CDH13: variants seen among roughly 807,000 people sequenced by gnomAD.
CDH13 encodes the protein cadherin-13.
CDH13 carries 24 observed loss-of-function variants against 63.8 expected under a neutral mutation model. The observed-to-expected ratio is 0.38, with a 90% CI of 0.27 to 0.53. CDH13 has a LOEUF of 0.53. Among genes scored for constraint, CDH13 ranks in the 20% least tolerant of loss-of-function variants. CDH13 has a pLI of 0.85. For synonymous variants in CDH13, 503 were observed against 355.3 expected (o/e 1.42, Z -4.67); for missense variants, 1,049 against 903.1 (o/e 1.16, Z -2.07).
chr16:83,359,614 G>A lies in CDH13; in HGVS notation c.781+14608G>A, dbSNP rs548732426. ...AATCTTCTGTGGCAGCACTTTGTAC[G>A]AGTTTGAATTGGGCACATTCGAAAT... On this transcript the variant is annotated intron_variant, in intron 6 of 13. Coordinates refer to ENST00000567109, the MANE Select transcript of CDH13 (RefSeq NM_001257.5). Among the ~76,000 whole-genome samples, 78 of 152,240 alleles carry A rather than the reference G, an allele frequency of 5.1e-4. No homozygotes were observed. In the South Asian group the frequency reaches 8.9e-3, roughly 17 times the overall value.
At chr16:83,203,660 T>TTAA (rs1597509667) in intron 4 of CDH13, among the ~76,000 whole-genome samples, 2 of 7,484 alleles carry the variant, frequency 2.7e-4, no homozygotes, top group African/African-American at 6.5e-4. Flanking sequence ...AGACTCCATC[T>TTAA]CAAAAAAAAA....
At chr16:83,034,399 T>C (rs1200868501) in intron 3 of CDH13, among the ~76,000 whole-genome samples, 1 of 152,178 alleles carries the variant, frequency 6.6e-6, no homozygotes, top group Non-Finnish European at 1.5e-5. Context: ...ACGTCAGTCA[T>C]GTTTCAGAGG....
At chr16:83,647,319 A>G (rs1268511197) in intron 8 of CDH13, among the ~76,000 whole-genome samples, 1 of 151,792 alleles carries the variant, frequency 6.6e-6, no homozygotes, top group Non-Finnish European at 1.5e-5. Flanking sequence ...TCTCAAAAAA[A>G]AAAAAAAAAA....
chr16:83,603,145 G>A (rs113234077), intron 8 of CDH13, among the ~76,000 whole-genome samples: 8 of 152,172 alleles, frequency 5.3e-5, no homozygotes, highest in East Asian at 1.9e-4. Context: ...CCAAGGGAGC[G>A]ATGTTTGGGG....
intron 1 of CDH13, among the ~76,000 whole-genome samples, chr16:82,781,176 A>G (rs1420822343): frequency 6.6e-6 from 1 of 152,258 alleles, no homozygotes; most frequent in East Asian, 1.9e-4. Context: ...GCAATTTTTT[A>G]AAACAATGAA....
chr16:83,429,454 A>T (rs1316463762), intron 6 of CDH13, among the ~76,000 whole-genome samples: 1 of 152,074 alleles, frequency 6.6e-6, no homozygotes, highest in Non-Finnish European at 1.5e-5. Flanking sequence ...AGGCTCAGAG[A>T]CTTCCTGTGA....
chr16:83,663,966 C>A (rs2150842384), intron 8 of CDH13, among the ~76,000 whole-genome samples: 1 of 151,190 alleles, frequency 6.6e-6, no homozygotes, highest in East Asian at 1.9e-4. Flanking sequence ...TTGAGACCAG[C>A]CTGGGCAACT....
intron 1 of CDH13, among the ~76,000 whole-genome samples, chr16:82,840,900 CAG>C (rs2038983339): frequency 6.6e-6 from 1 of 152,088 alleles, no homozygotes; most frequent in African/African-American, 2.4e-5. Flanking sequence ...AGTGGAAACT[CAG>C]GTGCTTGGCA....
At chr16:83,727,355 A>G (rs751919398) in intron 10 of CDH13, among the ~76,000 whole-genome samples, 16 of 152,114 alleles carry the variant, frequency 1.1e-4, no homozygotes, top group Non-Finnish European at 1.9e-4. Flanking sequence ...GAACAGACAC[A>G]TTCATCATTT....
intron 2 of CDH13, among the ~76,000 whole-genome samples, chr16:82,966,654 A>G (rs527516367): frequency 6.6e-6 from 1 of 152,210 alleles, no homozygotes; most frequent in Non-Finnish European, 1.5e-5. Context: ...GACTTACAGG[A>G]AAGTTGCAAA....
chr16:83,270,236 A>G (rs928050409), intron 5 of CDH13, among the ~76,000 whole-genome samples: 3 of 152,084 alleles, frequency 2.0e-5, no homozygotes, highest in Non-Finnish European at 4.4e-5. Flanking sequence ...GTGTTTGATG[A>G]CTCTCTTAGT....
intron 6 of CDH13, among the ~76,000 whole-genome samples, chr16:83,411,558 A>G (rs2092126355): frequency 6.6e-6 from 1 of 152,172 alleles, no homozygotes; most frequent in Non-Finnish European, 1.5e-5. Context: ...TTAAAAAATA[A>G]ATATTGAGAT....
chr16:82,637,926 G>T (rs967880860), intron 1 of CDH13, among the ~76,000 whole-genome samples: 1 of 152,210 alleles, frequency 6.6e-6, no homozygotes, highest in Non-Finnish European at 1.5e-5. Context: ...GAGATGAACT[G>T]AATCCCTGTC....
chr16:82,887,082 G>A (rs1432125814), intron 2 of CDH13, among the ~76,000 whole-genome samples: 4 of 152,104 alleles, frequency 2.6e-5, no homozygotes, highest in Admixed American at 1.3e-4. Flanking sequence ...TTTAAATAGG[G>A]CAAAGAAGCT....
chr16:82,950,989 G>A (rs1432678365), intron 2 of CDH13, among the ~76,000 whole-genome samples: 3 of 152,144 alleles, frequency 2.0e-5, no homozygotes, highest in Non-Finnish European at 4.4e-5. Flanking sequence ...CTTAGATGTT[G>A]CGCATCACCA....
At chr16:83,706,604 C>G (rs1484363133) in intron 10 of CDH13, among the ~76,000 whole-genome samples, 1 of 152,152 alleles carries the variant, frequency 6.6e-6, no homozygotes, top group African/African-American at 2.4e-5. Flanking sequence ...TGATTGCTGA[C>G]TGATTATGTC....
chr16:82,876,025 A>C (rs2040491974), intron 2 of CDH13, among the ~76,000 whole-genome samples: 1 of 152,164 alleles, frequency 6.6e-6, no homozygotes, highest in African/African-American at 2.4e-5. Flanking sequence ...TGTGCAGGGG[A>C]ACTCCTCTTT....
chr16:83,065,320 T>G (rs912037536), intron 3 of CDH13, among the ~76,000 whole-genome samples: 1 of 152,150 alleles, frequency 6.6e-6, no homozygotes, highest in African/African-American at 2.4e-5. Context: ...AGAAGTGAGT[T>G]GATCAGCTAT....
chr16:83,192,858 C>A (rs529322762), intron 4 of CDH13, among the ~76,000 whole-genome samples: 1 of 152,108 alleles, frequency 6.6e-6, no homozygotes, highest in African/African-American at 2.4e-5. Context: ...GCGAACAGTG[C>A]ATCTAAAAGA....
Sources: allele counts gnomAD v4.1 joint callset (sites outside exome capture counted in the v4.1 genomes callset), GRCh38; gene constraint gnomAD v4.1.1; transcripts MANE v1.5; gene names NCBI Gene and HGNC (gene_info 2026-07-23, HGNC 2026-07-21).